The following ZNF658 variants were observed in gnomAD, a reference collection of about 807,000 sequenced individuals.
The protein encoded by ZNF658 is zinc finger protein 658.
ZNF658 carries 46 observed loss-of-function variants against 78.0 expected under a neutral mutation model. The ratio of observed to expected loss-of-function variants is 0.59; its 90% CI spans 0.47 to 0.75. ZNF658 has a LOEUF of 0.75. Ranked by LOEUF, ZNF658 falls within the 30% of genes least tolerant of loss-of-function variation. ZNF658 has a pLI of 0.00. For missense variants in ZNF658, 785 were observed against 1,189.3 expected (o/e 0.66, Z 5.00); for synonymous variants, 279 against 408.4 (o/e 0.68, Z 3.82).
chr9:66,931,509 C>T (rs1822644360), intron 6 of ZNF658, among the ~76,000 whole-genome samples: 2 of 151,978 alleles, frequency 1.3e-5, no homozygotes, highest in Non-Finnish European at 2.9e-5. Flanking sequence ...CTAGTAGAAC[C>T]ATAGAACATT....
chr9:66,913,531 C>T (rs1379148256), intron 4 of ZNF658, among the ~76,000 whole-genome samples: 1 of 152,130 alleles, frequency 6.6e-6, no homozygotes, highest in African/African-American at 2.4e-5. Context: ...TGATGCTGCA[C>T]CTCACTCCCG....
At chr9:66,914,676 C>A (rs893670691) in intron 4 of ZNF658, among the ~76,000 whole-genome samples, 26 of 152,142 alleles carry the variant, frequency 1.7e-4, no homozygotes, top group African/African-American at 5.8e-4. Context: ...GTTCTTCAGA[C>A]TAATGATAGG....
At chr9:66,912,989 G>A (rs1486537733) in intron 4 of ZNF658, among the ~76,000 whole-genome samples, 2 of 151,466 alleles carry the variant, frequency 1.3e-5, no homozygotes, top group Admixed American at 1.3e-4. Flanking sequence ...TGGAGGTTAT[G>A]GTGAGCTGAG....
chr9:66,910,307 T>C (rs534981059), intron 4 of ZNF658, among the ~76,000 whole-genome samples: 10 of 152,070 alleles, frequency 6.6e-5, no homozygotes, highest in Non-Finnish European at 1.3e-4. Context: ...ATGTCATTTT[T>C]AGAATAAAAA....
chr9:66,904,815 G>C (rs1822035184), intron 2 of ZNF658, among the ~76,000 whole-genome samples: 1 of 151,874 alleles, frequency 6.6e-6, no homozygotes, highest in African/African-American at 2.4e-5. Context: ...CTCAGGTTTT[G>C]TTTACCTGGG....
rs144950113 is a variant in ZNF658, at chr9:66,918,416, G to A, written c.850G>A (p.Ala284Thr). ...EYGTSCDKTTAVEYNKVHMAM... is the reference protein window; with the variant it reads ...EYGTSCDKTTTVEYNKVHMAM... ...TGGGACATCCTGTGACAAAACCACC[G>A]CTGTTGAATACAATAAAGTTCACAT... The change falls in exon 5 of 5, where the codon GCT becomes ACT. Residue 284 changes from alanine to threonine, a missense_variant. Transcript: ENST00000621410. 419 of 1,613,052 alleles carry A rather than the reference G, an allele frequency of 2.6e-4. 3 individuals are homozygous for A. In the African/African-American group the frequency reaches 3.0e-3, roughly 12 times the overall value.
intron 4 of ZNF658, among the ~76,000 whole-genome samples, chr9:66,917,555 T>TA (rs1318324982): frequency 7.9e-5 from 6 of 76,428 alleles, no homozygotes; most frequent in Admixed American, 1.7e-4. Flanking sequence ...CCACTAAATA[T>TA]AAAAAAAATT....
In ZNF658 at chr9:66,908,389, C is replaced by G. The variant is rs150089551; in HGVS notation, c.142+25C>G. 1.9e-4 allele frequency: 305 copies of G among 1,613,950 alleles called. 3 individuals carry two copies. The East Asian group carries it at 5.9e-3, about 31-fold the overall frequency. ...GGTGAGCATAGCTTACCATGGGGCTCTCTCGAGAATATATGTCCCTTTTTA... is the reference window on the plus strand; with the variant it reads ...GGTGAGCATAGCTTACCATGGGGCTGTCTCGAGAATATATGTCCCTTTTTA... On this transcript the variant is annotated intron_variant, in intron 3 of 4. Transcript: ENST00000621410.
chr9:66,902,110 A>G (rs1334145049), intron 1 of ZNF658, among the ~76,000 whole-genome samples: 2 of 151,480 alleles, frequency 1.3e-5, no homozygotes, highest in Non-Finnish European at 2.9e-5. Flanking sequence ...TGATGGCTGC[A>G]GTGCTGGATA....
chr9:66,926,397 T>A (rs1174282859), downstream of ZNF658, among the ~76,000 whole-genome samples: 2 of 151,952 alleles, frequency 1.3e-5, no homozygotes, highest in Non-Finnish European at 2.9e-5. Context: ...GATAAAAAAA[T>A]GTAAAAATCA....
At chr9:66,917,404 T>A (rs1263953367) in intron 4 of ZNF658, among the ~76,000 whole-genome samples, 2 of 120,532 alleles carry the variant, frequency 1.7e-5, no homozygotes, top group African/African-American at 6.8e-5. Context: ...CCAGAAACAA[T>A]AGAATAAAAT....
At chr9:66,911,688 G>C (rs1822217010) in intron 4 of ZNF658, among the ~76,000 whole-genome samples, 1 of 95,204 alleles carries the variant, frequency 1.1e-5, no homozygotes, top group Admixed American at 1.1e-4. Flanking sequence ...GGATACATCT[G>C]TAAAGAGATA....
chr9:66,917,957 C>T lies in ZNF658; in HGVS notation c.391C>T (p.Leu131Phe). ...KPFNLEIAPE[L>F]SEKISCKCDS... ...ATTTAATCTGGAAATAGCTCCAGAGCTTTCAGAAAAAATATCCTGTAAATG... is the reference window on the plus strand; with the variant it reads ...ATTTAATCTGGAAATAGCTCCAGAGTTTTCAGAAAAAATATCCTGTAAATG... The change falls in exon 5 of 5, where the codon CTT becomes TTT. Residue 131 changes from leucine (L) to phenylalanine (F), a missense_variant. By Grantham distance (22) the Leu-to-Phe change is conservative. Transcript: ENST00000621410. The T allele has an allele frequency of 6.2e-7, 1 of 1,609,670 alleles. No homozygotes were observed. Among genetic ancestry groups the T allele is most frequent in the Non-Finnish European group, 8.5e-7 (1 of 1,179,274 alleles).
At chr9:66,902,088 G>A (rs967751776) in intron 1 of ZNF658, among the ~76,000 whole-genome samples, 3 of 151,672 alleles carry the variant, frequency 2.0e-5, no homozygotes, top group Non-Finnish European at 4.4e-5. Flanking sequence ...GTGTTCAATG[G>A]TTCTATGTGG....
In ZNF658 at chr9:66,920,989, G is replaced by T. The variant is rs1468460882; in HGVS notation, c.*243G>T. ...CACAGTCTTCCTGGTTCATAAGATGGATTTGGAGGTTATTTCTGCAGCAAA... is the reference window on the plus strand; with the variant it reads ...CACAGTCTTCCTGGTTCATAAGATGTATTTGGAGGTTATTTCTGCAGCAAA... On this transcript the variant is annotated 3_prime_UTR_variant, in exon 5 of 5. Transcript: ENST00000621410. 3 of 562,864 alleles carry T rather than the reference G, an allele frequency of 5.3e-6. No homozygotes were observed. Among genetic ancestry groups the T allele is most frequent in the East Asian group, 6.0e-5 (2 of 33,386 alleles). The allele number at this position is 562,864 out of a possible 1,614,324, so 34.9% of individuals were successfully genotyped here.
chr9:66,905,078 T>C (rs1368243196), intron 2 of ZNF658, among the ~76,000 whole-genome samples: 1 of 107,430 alleles, frequency 9.3e-6, no homozygotes, highest in African/African-American at 3.9e-5. Context: ...CTTTTTTTTT[T>C]TTTTTTTTTT....
chr9:66,908,456 G>A, intron 3 of ZNF658, 92 bp downstream of exon 3: 8 of 1,569,220 alleles, frequency 5.1e-6, no homozygotes, highest in Non-Finnish European at 6.9e-6. Flanking sequence ...AGATTAAAGG[G>A]CTTTGGATTA....
downstream of ZNF658, among the ~76,000 whole-genome samples, chr9:66,921,781 T>C (rs1439306372): frequency 5.3e-5 from 8 of 150,932 alleles, no homozygotes; most frequent in East Asian, 1.6e-3. Context: ...GTCTCCCAGT[T>C]AGGCTACTCG....
At chr9:66,912,891 C>CA (rs1397459123) in intron 4 of ZNF658, among the ~76,000 whole-genome samples, 3 of 151,154 alleles carry the variant, frequency 2.0e-5, no homozygotes, top group Admixed American at 6.6e-5. Flanking sequence ...ACTAAAAATA[C>CA]AAAAAAATTA....
Sources: allele counts gnomAD v4.1 joint callset (sites outside exome capture counted in the v4.1 genomes callset), GRCh38; gene constraint gnomAD v4.1.1; transcripts MANE v1.5; gene names NCBI Gene and HGNC (gene_info 2026-07-23, HGNC 2026-07-21).